Variants in PLOD2 observed in about 807,000 individuals in gnomAD.
PLOD2 encodes procollagen-lysine,2-oxoglutarate 5-dioxygenase 2.
In PLOD2, 65 loss-of-function variants were observed where a neutral mutation model predicts 101.0. The ratio of observed to expected loss-of-function variants is 0.64; its 90% CI spans 0.53 to 0.79. The LOEUF (loss-of-function observed/expected upper bound fraction) is 0.79, where lower values mean the gene tolerates loss of function less well. Ranked by LOEUF, PLOD2 falls within the 30% of genes least tolerant of loss-of-function variation. PLOD2 has a pLI of 0.00. For missense variants in PLOD2, 909 were observed against 914.6 expected, an observed-to-expected ratio of 0.99 and a Z score of 0.08; for synonymous variants, 314 against 302.9, an observed-to-expected ratio of 1.04 and a Z score of -0.38.
At chr3:146,076,569 T>A in intron 15 of PLOD2, 1 of 376,972 alleles carries the variant, frequency 2.7e-6, no homozygotes, top group East Asian at 4.4e-5. Context: ...AAGCATTCCC[T>A]TTTCTCCGTA....
At chr3:146,108,231 A>G (rs1262873325) in intron 4 of PLOD2, among the ~76,000 whole-genome samples, 1 of 152,094 alleles carries the variant, frequency 6.6e-6, no homozygotes, top group Non-Finnish European at 1.5e-5. Flanking sequence ...CCCAGGCTAG[A>G]GTGCAATGGT....
rs1297675738 is a variant in PLOD2 at position 146,070,490 on chromosome 3, T to C, written c.*227A>G. 9.0e-6 allele frequency: 3 copies of C among 333,438 alleles called. No individual in the cohort carries two copies. The highest frequency in any genetic ancestry group is 1.6e-5 in the Non-Finnish European group (3 of 183,242). The allele number at this position is 333,438 out of a possible 1,614,324, so 20.7% of individuals were successfully genotyped here. A position where few individuals can be genotyped will look rare whatever the true frequency, so the allele number is the denominator to read the frequency against. The stretch of plus-strand genomic sequence containing the variant: ...CAAAGCATAGAAATAAATATTTAAG[T>C]TTTTTCTTTCTTTTCTTCTTCAATC... On this transcript the variant is annotated 3_prime_UTR_variant, in exon 20 of 20. Transcript: ENST00000282903.
At chr3:146,109,484 C>T (rs1039087291) in intron 4 of PLOD2, among the ~76,000 whole-genome samples, 5 of 152,202 alleles carry the variant, frequency 3.3e-5, no homozygotes, top group African/African-American at 9.6e-5. Flanking sequence ...TGAAGCAGCA[C>T]TTATTTTAAC....
intron 3 of PLOD2, among the ~76,000 whole-genome samples, chr3:146,111,092 A>AT (rs1414001862): frequency 6.6e-6 from 1 of 152,122 alleles, no homozygotes; most frequent in East Asian, 1.9e-4. Flanking sequence ...AATTTCATTG[A>AT]TTTTTCTGAT....
At chr3:146,132,090 T>C (rs1217075538) in intron 1 of PLOD2, among the ~76,000 whole-genome samples, 1 of 152,162 alleles carries the variant, frequency 6.6e-6, no homozygotes, top group East Asian at 1.9e-4. Context: ...TTCACATGGA[T>C]GCCTGGGCTT....
rs528077825 is a variant in PLOD2 at position 146,092,994 on chromosome 3, T to C, written c.778-1093A>G. Among the ~76,000 whole-genome samples, 450 of 152,176 alleles carry C rather than the reference T, an allele frequency of 3.0e-3. 1 individual carries two copies. Among genetic ancestry groups the C allele is most frequent in the Non-Finnish European group, 5.1e-3 (345 of 67,970 alleles). On this transcript the variant is annotated intron_variant, in intron 7 of 19. Transcript: ENST00000282903. ...TCATTATATGATCAATAATTTTTCA[T>C]TGGAAAGGTAAAATGAAATCAAAAG...
chr3:146,153,829 CAAAAAAA>C (rs57315523), intron 1 of PLOD2, among the ~76,000 whole-genome samples: 1 of 110,286 alleles, frequency 9.1e-6, no homozygotes, highest in African/African-American at 3.9e-5. Context: ...GTCCACAGCA[CAAAAAAA>C]AAAAAAAAGA....
At chr3:146,126,284 A>G (rs565956297) in intron 1 of PLOD2, among the ~76,000 whole-genome samples, 1 of 152,186 alleles carries the variant, frequency 6.6e-6, no homozygotes, top group Non-Finnish European at 1.5e-5. Context: ...AATATTACAC[A>G]TGAACAGCTG....
At chr3:146,090,548 G>A (rs1193780434) in intron 8 of PLOD2, among the ~76,000 whole-genome samples, 1 of 151,620 alleles carries the variant, frequency 6.6e-6, no homozygotes, top group East Asian at 1.9e-4. Flanking sequence ...AAAAAGATCA[G>A]GATAAATTTT....
chr3:146,081,902 A>T, intron 11 of PLOD2, 39 bp from the exon 12 acceptor site: 1 of 1,558,148 alleles, frequency 6.4e-7, no homozygotes, highest in African/African-American at 1.4e-5. Flanking sequence ...AGAGAAACCT[A>T]TATAATTATT....
chr3:146,110,502 C>A, intron 3 of PLOD2, 54 bp from the exon 4 acceptor site: 1 of 1,430,298 alleles, frequency 7.0e-7, no homozygotes, highest in South Asian at 1.2e-5. Flanking sequence ...AATCTAGGCA[C>A]ATAAACCATG....
At position 146,124,070 on chromosome 3, in the gene PLOD2, T is replaced by C. The variant is rs1234136865; in HGVS notation, c.201+68A>G. The stretch of plus-strand genomic sequence containing the variant: ...TCCTTGTGAGGATTACAGATTGTAC[T>C]GCTGTTATGAAAAACATACTTTAGG... On this transcript the variant is annotated intron_variant, in intron 2 of 19. Transcript: ENST00000282903. 7 of 823,494 alleles carry C rather than the reference T, an allele frequency of 8.5e-6. No homozygotes were observed. The African/African-American group carries it at 1.2e-4, about 14-fold the overall frequency. 51.0% of individuals were successfully genotyped at this position (823,494 alleles called of 1,614,324 possible).
chr3:146,122,073 CAAGAA>C (rs1346540202), intron 2 of PLOD2, among the ~76,000 whole-genome samples: 1 of 152,124 alleles, frequency 6.6e-6, no homozygotes, highest in Non-Finnish European at 1.5e-5. Context: ...AATAAACACA[CAAGAA>C]AAGGATAAAA....
intron 7 of PLOD2, among the ~76,000 whole-genome samples, chr3:146,092,365 C>A (rs573943924): frequency 6.6e-6 from 1 of 151,932 alleles, no homozygotes; most frequent in Non-Finnish European, 1.5e-5. Context: ...AACACAACGC[C>A]ACACAAAATA....
intron 7 of PLOD2, among the ~76,000 whole-genome samples, chr3:146,102,290 T>C (rs1176232709): frequency 2.0e-5 from 3 of 152,346 alleles, no homozygotes; most frequent in Non-Finnish European, 1.5e-5. Context: ...CAAAATTTTA[T>C]TGGTCAAATT....
chr3:146,118,928 C>T (rs1217235037), intron 3 of PLOD2, among the ~76,000 whole-genome samples: 1 of 152,128 alleles, frequency 6.6e-6, no homozygotes, highest in African/African-American at 2.4e-5. Context: ...TTCACAAAAA[C>T]GTTAGCTCTT....
chr3:146,092,597 T>C lies in PLOD2; in HGVS notation c.778-696A>G, dbSNP rs549036808. On this transcript the variant is annotated intron_variant, in intron 7 of 19. Transcript: ENST00000282903. ...ATTTCTCTACCCATTTTCTTTCAGA[T>C]CTCTCTGAGTATCCCCTTTGTGAGG... is the stretch of plus-strand genomic sequence containing the variant. Among the ~76,000 whole-genome samples, 5 of 152,156 alleles carry C rather than the reference T, an allele frequency of 3.3e-5. No individual in the cohort carries two copies. In the East Asian group the frequency reaches 7.7e-4, roughly 24 times the overall value.
At chr3:146,135,782 G>T (rs1030447878) in intron 1 of PLOD2, among the ~76,000 whole-genome samples, 2 of 151,626 alleles carry the variant, frequency 1.3e-5, no homozygotes, top group African/African-American at 2.4e-5. Flanking sequence ...GTATTTCTTC[G>T]AGATATTTCC....
intron 13 of PLOD2, among the ~76,000 whole-genome samples, chr3:146,078,858 C>T (rs1467324995): frequency 6.6e-6 from 1 of 151,852 alleles, no homozygotes; most frequent in Admixed American, 6.6e-5. Context: ...GTAACAAATA[C>T]ATCTTTATTA....
Sources: gnomAD v4.1 joint callset for allele counts (sites outside exome capture counted in the v4.1 genomes callset) on GRCh38, gnomAD v4.1.1 for gene constraint, MANE v1.5 for transcripts, NCBI Gene and HGNC (gene_info 2026-07-23, HGNC 2026-07-21) for gene names.